Variants in PLS1 observed in about 807,000 individuals in gnomAD.
PLS1 encodes the protein plastin-1.
A neutral mutation model predicts 73.7 loss-of-function variants in PLS1; 32 were observed. That is an observed-to-expected ratio of 0.43 (90% CI 0.33 to 0.58). PLS1 has a LOEUF of 0.58. Ranked by LOEUF, PLS1 falls within the 20% of genes least tolerant of loss-of-function variation. PLS1 has a pLI of 0.04. For missense variants in PLS1, 633 were observed against 740.5 expected (o/e 0.85, Z 1.68); for synonymous variants, 217 against 261.3 (o/e 0.83, Z 1.63).
At chr3:142,657,669 T>C (rs1403857033) in intron 1 of PLS1, among the ~76,000 whole-genome samples, 1 of 152,122 alleles carries the variant, frequency 6.6e-6, no homozygotes, top group African/African-American at 2.4e-5. Context: ...TTTGTATTTT[T>C]AGTAGAGACG....
intron 9 of PLS1, among the ~76,000 whole-genome samples, chr3:142,686,714 A>G (rs1311964563): frequency 6.6e-6 from 1 of 152,204 alleles, no homozygotes; most frequent in East Asian, 1.9e-4. Context: ...GCCCTCCATT[A>G]AAGTTTGGTG....
chr3:142,701,627 A>G (rs1240550054), intron 12 of PLS1, among the ~76,000 whole-genome samples: 1 of 152,178 alleles, frequency 6.6e-6, no homozygotes, highest in Non-Finnish European at 1.5e-5. Flanking sequence ...AAAAGAATAT[A>G]TGCTTTCCCT....
intron 3 of PLS1, among the ~76,000 whole-genome samples, chr3:142,670,157 A>G (rs1311904002): frequency 6.6e-6 from 1 of 152,226 alleles, no homozygotes; most frequent in Non-Finnish European, 1.5e-5. Flanking sequence ...GTATCCCTAC[A>G]GTGTGAAGAC....
intron 1 of PLS1, among the ~76,000 whole-genome samples, chr3:142,643,849 A>G (rs2354176): frequency 0.64 from 90,239 of 141,900 alleles, 29,168 homozygotes; most frequent in African/African-American, 0.72. Context: ...TTTTTTTTGA[A>G]ATGGAGTTTC....
chr3:142,622,513 C>T (rs2036336620), intron 1 of PLS1, among the ~76,000 whole-genome samples: 2 of 151,746 alleles, frequency 1.3e-5, no homozygotes, highest in African/African-American at 4.8e-5. Flanking sequence ...ACTGTATGTA[C>T]TTAAAAAAAA....
intron 2 of PLS1, among the ~76,000 whole-genome samples, chr3:142,665,499 G>A (rs990657988): frequency 2.6e-5 from 4 of 152,154 alleles, no homozygotes; most frequent in Admixed American, 2.6e-4. Flanking sequence ...AGAATTGTAT[G>A]TAGTGTCCAG....
At position 142,713,594 on chromosome 3, in the gene PLS1, T is replaced by C. The variant is rs1560083187; in HGVS notation, c.*1587T>C. 3 of 152,614 alleles carry C rather than the reference T, an allele frequency of 2.0e-5. No homozygotes were observed. Among genetic ancestry groups the C allele is most frequent in the Non-Finnish European group, 4.4e-5 (3 of 68,016 alleles). 9.5% of individuals were successfully genotyped at this position (152,614 alleles called of 1,614,324 possible). On this transcript the variant is annotated 3_prime_UTR_variant, in exon 16 of 16. Coordinates refer to ENST00000457734, the MANE Select transcript of PLS1 (RefSeq NM_001145319.2). ...TATTTACTAAGTTATTGGATTTACA[T>C]GAAATCTGGCACTTTAGGGTGTTCT...
chr3:142,654,585 C>G (rs561665650), intron 1 of PLS1, among the ~76,000 whole-genome samples: 2 of 152,286 alleles, frequency 1.3e-5, no homozygotes, highest in South Asian at 4.1e-4. Flanking sequence ...AACTCCTGAC[C>G]TCAAGCAATC....
At chr3:142,634,778 G>C (rs2036641021) in intron 1 of PLS1, among the ~76,000 whole-genome samples, 1 of 152,176 alleles carries the variant, frequency 6.6e-6, no homozygotes, top group African/African-American at 2.4e-5. Context: ...GTACAAAGAA[G>C]AGCATCAGAA....
At chr3:142,609,488 C>T (rs1447405049) in intron 1 of PLS1, among the ~76,000 whole-genome samples, 1 of 152,198 alleles carries the variant, frequency 6.6e-6, no homozygotes, top group Non-Finnish European at 1.5e-5. Flanking sequence ...GACTCACAGC[C>T]TGTTGGCTAG....
In PLS1 at chr3:142,711,632, C is replaced by T; in HGVS notation, c.1754+7C>T. 1 of 1,593,720 alleles carries T rather than the reference C, an allele frequency of 6.3e-7. No homozygotes were observed. The highest frequency in any genetic ancestry group is 8.6e-7 in the Non-Finnish European group (1 of 1,165,076). Reference sequence around the variant, plus strand: ...ACAAGCTGAACAATGCTAAGTAAGCCTTTATGGTTTATATTACAATACATG... The same window carrying T: ...ACAAGCTGAACAATGCTAAGTAAGCTTTTATGGTTTATATTACAATACATG... On this transcript the variant is annotated splice_region_variant and intron_variant, in intron 15 of 15. Transcript: ENST00000457734.
chr3:142,624,169 A>C (rs989044737), intron 1 of PLS1, among the ~76,000 whole-genome samples: 2 of 152,188 alleles, frequency 1.3e-5, no homozygotes, highest in African/African-American at 4.8e-5. Flanking sequence ...AAAATATCTA[A>C]ATGGAAATAA....
intron 1 of PLS1, among the ~76,000 whole-genome samples, chr3:142,650,211 C>A (rs200680379): frequency 2.8e-5 from 2 of 70,908 alleles, no homozygotes; most frequent in Non-Finnish European, 5.0e-5. Flanking sequence ...GCTTCTTCTT[C>A]TTTTTTTTTT....
rs529454480 is a variant in PLS1, at chr3:142,677,980, C to A, written c.498-52C>A. On this transcript the variant is annotated intron_variant, in intron 5 of 15. Transcript: ENST00000457734. Reference sequence around the variant, plus strand: ...TATTTTGGCTGTTTGCAATAATAAACTAAAAAAATTTCTTGGAGTATTAAA... The same window carrying A: ...TATTTTGGCTGTTTGCAATAATAAAATAAAAAAATTTCTTGGAGTATTAAA... The A allele has an allele frequency of 4.9e-5, 41 of 841,254 alleles. No individual in the cohort carries two copies. In the African/African-American group the frequency reaches 6.9e-4, roughly 14 times the overall value. The allele number at this position is 841,254 out of a possible 1,614,324, so 52.1% of individuals were successfully genotyped here.
Position 142,704,495 on chromosome 3 carries a change from AGG to A in PLS1, c.1540_1541del (p.Gly514Ter). ...TTGAATGTGTTATCGGATCTTGGAG[AGG>A]GTGAAAAAGTAAATGATGAAATTAT... is the stretch of plus-strand genomic sequence containing the variant. On this transcript the variant is annotated frameshift_variant, in exon 14 of 16. Coordinates refer to ENST00000457734, the MANE Select transcript of PLS1 (RefSeq NM_001145319.2). LOFTEE classifies it high-confidence loss of function. 1 of 1,599,478 alleles carries A rather than the reference AGG, an allele frequency of 6.3e-7. No homozygotes were observed. Among genetic ancestry groups the A allele is most frequent in the East Asian group, 2.2e-5 (1 of 44,642 alleles).
chr3:142,615,247 C>T (rs1188580902), intron 1 of PLS1, among the ~76,000 whole-genome samples: 9 of 152,068 alleles, frequency 5.9e-5, no homozygotes, highest in Non-Finnish European at 1.2e-4. Flanking sequence ...TCTTGAAGAC[C>T]GTATATCTTC....
intron 1 of PLS1, among the ~76,000 whole-genome samples, chr3:142,646,216 A>C (rs752568362): frequency 2.0e-5 from 3 of 152,184 alleles, no homozygotes; most frequent in Admixed American, 6.6e-5. Flanking sequence ...GTGAACGCCC[A>C]TGAATGCCTG....
intron 10 of PLS1, among the ~76,000 whole-genome samples, chr3:142,694,236 AC>A (rs1322869333): frequency 6.6e-6 from 1 of 152,108 alleles, no homozygotes; most frequent in Admixed American, 6.6e-5. Context: ...TAGTTCACAG[AC>A]ATCAAAGGGA....
Position 142,669,481 on chromosome 3 carries a change from G to A in PLS1, c.162G>A (p.Glu54=), listed in dbSNP as rs781451589. ...CTCTGCCTGGCTACAAGGTGCGCGA[G>A]ATTGTGGAGAAAATTCTATCAGTTG... ...SLPLPGYKVR[E]IVEKILSVAD... The change falls in exon 3 of 16, where the codon GAG becomes GAA. Residue 54 remains glutamate (E), a synonymous_variant. Transcript: ENST00000457734. The A allele has an allele frequency of 1.9e-6, 3 of 1,613,658 alleles. No homozygotes were observed. Among genetic ancestry groups the A allele is most frequent in the Non-Finnish European group, 2.5e-6 (3 of 1,179,696 alleles).
Sources: allele counts gnomAD v4.1 joint callset (sites outside exome capture counted in the v4.1 genomes callset), GRCh38; gene constraint gnomAD v4.1.1; transcripts MANE v1.5; gene names NCBI Gene and HGNC (gene_info 2026-07-23, HGNC 2026-07-21).